The following FAM227B variants were observed in gnomAD, a reference collection of about 807,000 sequenced individuals.
FAM227B encodes family with sequence similarity 227 member B.
Under a neutral mutation model 73.8 loss-of-function variants are expected in FAM227B, and 88 were observed. The ratio of observed to expected loss-of-function variants is 1.19; its 90% CI spans 1.00 to 1.42. The LOEUF (loss-of-function observed/expected upper bound fraction) is 1.42, where lower values mean the gene tolerates loss of function less well. Among genes scored for constraint, FAM227B ranks in the 40% most tolerant of loss-of-function variants. The pLI, the probability that FAM227B is intolerant of heterozygous loss-of-function variation, is 0.00. For missense variants in FAM227B, 632 were observed against 590.9 expected (o/e 1.07, Z -0.72); for synonymous variants, 210 against 190.5 (o/e 1.10, Z -0.84).
intron 12 of FAM227B, among the ~76,000 whole-genome samples, chr15:49,368,645 T>C (rs556325823): frequency 3.7e-4 from 57 of 152,322 alleles, no homozygotes; most frequent in African/African-American, 1.3e-3. Context: ...TACGTATAGC[T>C]CAATCTTCAA....
intron 11 of FAM227B, among the ~76,000 whole-genome samples, chr15:49,473,489 T>C (rs377759650): frequency 8.5e-5 from 13 of 152,162 alleles, no homozygotes; most frequent in African/African-American, 3.1e-4. Context: ...ACAGTCCTAG[T>C]GCCAAGAATG....
At chr15:49,503,128 A>G (rs2058284190) in intron 11 of FAM227B, among the ~76,000 whole-genome samples, 1 of 152,232 alleles carries the variant, frequency 6.6e-6, no homozygotes, top group Admixed American at 6.5e-5. Flanking sequence ...CCACACATCT[A>G]TAACTATCTG....
At chr15:49,356,771 C>G (rs2043236010) in intron 13 of FAM227B, among the ~76,000 whole-genome samples, 6 of 52,218 alleles carry the variant, frequency 1.1e-4, no homozygotes, top group East Asian at 5.0e-4. Flanking sequence ...CCCAAATCAA[C>G]AGAATATACA....
intron 5 of FAM227B, among the ~76,000 whole-genome samples, chr15:49,586,792 T>C (rs1234856662): frequency 6.6e-6 from 1 of 152,058 alleles, no homozygotes; most frequent in Non-Finnish European, 1.5e-5. Flanking sequence ...ACATCACTGA[T>C]CATTAGAGAA....
chr15:49,408,584 C>T (rs1232259680), intron 11 of FAM227B, among the ~76,000 whole-genome samples: 1 of 152,152 alleles, frequency 6.6e-6, no homozygotes, highest in Non-Finnish European at 1.5e-5. Flanking sequence ...TTTAACATTT[C>T]TCTATTTTCT....
chr15:49,418,848 A>C (rs193092541), intron 11 of FAM227B, among the ~76,000 whole-genome samples: 1 of 152,160 alleles, frequency 6.6e-6, no homozygotes, highest in Non-Finnish European at 1.5e-5. Flanking sequence ...ATAACATATA[A>C]ATTTATATTT....
At chr15:49,445,878 A>G (rs924475947) in intron 11 of FAM227B, among the ~76,000 whole-genome samples, 2 of 151,556 alleles carry the variant, frequency 1.3e-5, no homozygotes, top group African/African-American at 4.8e-5. Flanking sequence ...ATTTGAAATT[A>G]GATAGAAAGT....
At chr15:49,602,186 T>C (rs984784660) in intron 3 of FAM227B, among the ~76,000 whole-genome samples, 6 of 152,198 alleles carry the variant, frequency 3.9e-5, no homozygotes, top group Non-Finnish European at 8.8e-5. Flanking sequence ...GATTGTATGG[T>C]AGCTCTATCT....
chr15:49,382,157 A>C (rs1456844100), intron 11 of FAM227B, among the ~76,000 whole-genome samples: 5 of 152,100 alleles, frequency 3.3e-5, no homozygotes, highest in Non-Finnish European at 7.4e-5. Flanking sequence ...GTGCAAATTA[A>C]AAATTTTAGT....
At chr15:49,560,302 A>T (rs2074139144) in intron 9 of FAM227B, among the ~76,000 whole-genome samples, 1 of 152,184 alleles carries the variant, frequency 6.6e-6, no homozygotes, top group Non-Finnish European at 1.5e-5. Context: ...CAGTATTTTG[A>T]ACTAACCCAG....
chr15:49,553,301 G>A (rs1050169028), intron 9 of FAM227B, among the ~76,000 whole-genome samples: 3 of 152,042 alleles, frequency 2.0e-5, no homozygotes, highest in Non-Finnish European at 4.4e-5. Flanking sequence ...TTTCTGTTCT[G>A]ACACCTAAAA....
chr15:49,335,321 C>A (rs1348790080), intron 14 of FAM227B, 98 bp downstream of exon 14: 1 of 742,334 alleles, frequency 1.3e-6, no homozygotes, highest in Non-Finnish European at 2.3e-6. Flanking sequence ...CATGACTCTC[C>A]TCATCATTAA....
At chr15:49,573,757 G>C (rs545794994) in intron 8 of FAM227B, among the ~76,000 whole-genome samples, 1 of 152,136 alleles carries the variant, frequency 6.6e-6, no homozygotes, top group Non-Finnish European at 1.5e-5. Context: ...TAATACAAGA[G>C]AGATGTTTAA....
At chr15:49,592,281 G>C (rs1414571644) in intron 3 of FAM227B, among the ~76,000 whole-genome samples, 1 of 152,154 alleles carries the variant, frequency 6.6e-6, no homozygotes, top group African/African-American at 2.4e-5. Context: ...TTCTGCTCTG[G>C]TTTCTCCCCA....
intron 11 of FAM227B, among the ~76,000 whole-genome samples, chr15:49,397,278 A>G (rs536963207): frequency 6.6e-5 from 10 of 152,286 alleles, no homozygotes; most frequent in African/African-American, 9.6e-5. Context: ...GAAATGAAGC[A>G]AGAAGGGAAG....
chr15:49,522,839 G>A (rs1405721465), intron 10 of FAM227B, among the ~76,000 whole-genome samples: 4 of 152,092 alleles, frequency 2.6e-5, no homozygotes, highest in African/African-American at 4.8e-5. Flanking sequence ...GGCAGAAGAA[G>A]AAAAAGGAAT....
At chr15:49,530,118 AT>A (rs1312802564) in intron 10 of FAM227B, among the ~76,000 whole-genome samples, 1 of 151,792 alleles carries the variant, frequency 6.6e-6, no homozygotes, top group Non-Finnish European at 1.5e-5. Flanking sequence ...TACAAATACA[AT>A]TTTAATGCTT....
rs1181910580 is a variant in FAM227B, at chr15:49,526,611, G to C, written c.874+15069C>G. 5.3e-5 allele frequency among the ~76,000 whole-genome samples: 8 copies of C among 151,936 alleles called. No homozygotes were observed. In the East Asian group the frequency reaches 1.5e-3, roughly 29 times the overall value. On this transcript the variant is annotated intron_variant, in intron 10 of 15. Coordinates refer to ENST00000299338, the MANE Select transcript of FAM227B (RefSeq NM_152647.3). Reference sequence around the variant, plus strand: ...CAAAACATTAATGAAATGAAAAGTTGGTTATTTGAAAGGAGAAACAAGATT... The same window carrying C: ...CAAAACATTAATGAAATGAAAAGTTCGTTATTTGAAAGGAGAAACAAGATT...
chr15:49,408,517 C>T (rs1373191517), intron 11 of FAM227B, among the ~76,000 whole-genome samples: 1 of 152,114 alleles, frequency 6.6e-6, no homozygotes, highest in Non-Finnish European at 1.5e-5. Flanking sequence ...TTCATATTTT[C>T]TTCCTGGAAT....
Sources: gnomAD v4.1 joint callset for allele counts (sites outside exome capture counted in the v4.1 genomes callset) on GRCh38, gnomAD v4.1.1 for gene constraint, MANE v1.5 for transcripts, NCBI Gene and HGNC (gene_info 2026-07-23, HGNC 2026-07-21) for gene names.